The following DEFB108B variants were observed in gnomAD, a reference collection of about 807,000 sequenced individuals.
DEFB108B encodes the protein beta-defensin 108B.
DEFB108B carries 3 observed loss-of-function variants against 2.4 expected under a neutral mutation model. The ratio of observed to expected loss-of-function variants is 1.25; its 90% CI spans 0.57 to 3.24. DEFB108B has a LOEUF of 3.24. Among genes scored for constraint, DEFB108B ranks in the 30% most tolerant of loss-of-function variants. DEFB108B has a pLI of 0.03. For synonymous variants in DEFB108B, 25 were observed against 28.7 expected (o/e 0.87, Z 0.41); for missense variants, 101 against 87.8 (o/e 1.15, Z -0.60).
intron 1 of DEFB108B, among the ~76,000 whole-genome samples, chr11:71,835,514 C>T (rs1442206277): frequency 2.0e-5 from 3 of 152,110 alleles, no homozygotes; most frequent in African/African-American, 7.2e-5. Flanking sequence ...TGATTCCATA[C>T]CTTTGCTACT....
At chr11:71,834,218 A>T (rs1952200095) in intron 1 of DEFB108B, among the ~76,000 whole-genome samples, 1 of 152,136 alleles carries the variant, frequency 6.6e-6, no homozygotes, top group Admixed American at 6.5e-5. Context: ...GTGACTTCCT[A>T]AAGCCTGAAA....
chr11:71,835,500 A>G (rs1952210644), intron 1 of DEFB108B, among the ~76,000 whole-genome samples: 2 of 152,176 alleles, frequency 1.3e-5, no homozygotes. Flanking sequence ...ATGAACACCT[A>G]GTTTGATTCC....
intron 1 of DEFB108B, among the ~76,000 whole-genome samples, chr11:71,835,204 G>A (rs1226750818): frequency 6.6e-6 from 1 of 152,184 alleles, no homozygotes; most frequent in Admixed American, 6.5e-5. Flanking sequence ...CAGGTAGGGT[G>A]TACCTAAAGG....
At chr11:71,836,337 G>A (rs954623588) in intron 1 of DEFB108B, among the ~76,000 whole-genome samples, 2 of 152,076 alleles carry the variant, frequency 1.3e-5, no homozygotes, top group Non-Finnish European at 2.9e-5. Context: ...AAAGTTAAAT[G>A]GAACCTAATG....
chr11:71,833,791 C>T (rs1272876300), intron 1 of DEFB108B, among the ~76,000 whole-genome samples: 3 of 152,204 alleles, frequency 2.0e-5, no homozygotes, highest in African/African-American at 7.2e-5. Flanking sequence ...TTTCCCTCTT[C>T]CTTCTCAGCA....
Position 71,837,479 on chromosome 11 carries a change from G to A in DEFB108B, c.139G>A (p.Gly47Arg). 1 of 1,611,972 alleles carries A rather than the reference G, an allele frequency of 6.2e-7. No homozygotes were observed. The highest frequency in any genetic ancestry group is 2.2e-5 in the East Asian group (1 of 44,886). ...DFCLETEIHV[G>R]RCLNSQPCCL... ...TTGCCTTGAAACAGAAATCCATGTTGGGAGATGTTTAAATAGCCAACCCTG... is the reference window on the plus strand; with the variant it reads ...TTGCCTTGAAACAGAAATCCATGTTAGGAGATGTTTAAATAGCCAACCCTG... Residue 47 changes from glycine to arginine, a missense_variant, in exon 2 of 2, where the codon GGG (glycine) becomes AGG (arginine). Physicochemically the swap from Gly to Arg is moderately radical, Grantham distance 125. Transcript: ENST00000328698.
chr11:71,833,279 G>A (rs754718808), intron 1 of DEFB108B, 22 bp downstream of exon 1: 2 of 1,555,280 alleles, frequency 1.3e-6, no homozygotes, highest in East Asian at 4.5e-5. Context: ...AACTTGGTAA[G>A]AGTAGAGTGC....
intron 1 of DEFB108B, among the ~76,000 whole-genome samples, chr11:71,835,840 C>T (rs921250852): frequency 6.6e-6 from 1 of 152,154 alleles, no homozygotes; most frequent in African/African-American, 2.4e-5. Flanking sequence ...AGACTTTAAT[C>T]AGATTCTGGA....
intron 1 of DEFB108B, chr11:71,836,954 GTGTGTGTGTC>G (rs1359396845): frequency 2.6e-5 from 3 of 117,512 alleles, no homozygotes; most frequent in African/African-American, 5.8e-5. Flanking sequence ...TTGTGTGTGT[GTGTGTGTGTC>G]TGTGTGTGTA....
chr11:71,837,250 T>C, intron 1 of DEFB108B, 149 bp from the exon 2 acceptor site: 1 of 1,038,794 alleles, frequency 9.6e-7, no homozygotes, highest in Non-Finnish European at 1.4e-6. Flanking sequence ...GATTTTTAAG[T>C]GTTTAAGAAA....
At chr11:71,833,663 G>A (rs948867948) in intron 1 of DEFB108B, among the ~76,000 whole-genome samples, 3 of 152,220 alleles carry the variant, frequency 2.0e-5, no homozygotes, top group Non-Finnish European at 4.4e-5. Flanking sequence ...GGGATTGGTG[G>A]AAGAAGTCTC....
chr11:71,834,323 C>T (rs1408373267), intron 1 of DEFB108B, among the ~76,000 whole-genome samples: 1 of 152,120 alleles, frequency 6.6e-6, no homozygotes, highest in Non-Finnish European at 1.5e-5. Context: ...TACTGAATTC[C>T]TAGTACTTGT....
intron 1 of DEFB108B, among the ~76,000 whole-genome samples, chr11:71,836,038 C>T (rs1952214400): frequency 1.3e-5 from 2 of 152,160 alleles, no homozygotes; most frequent in Non-Finnish European, 2.9e-5. Flanking sequence ...CTATACTAAT[C>T]TCTTATGACT....
chr11:71,836,872 T>C (rs1952223179), intron 1 of DEFB108B, among the ~76,000 whole-genome samples: 1 of 152,188 alleles, frequency 6.6e-6, no homozygotes, highest in Non-Finnish European at 1.5e-5. Flanking sequence ...AAGTATATTG[T>C]CTTTTAGGTC....
intron 1 of DEFB108B, 97 bp downstream of exon 1, chr11:71,833,354 G>A (rs536058241): frequency 5.2e-6 from 8 of 1,540,798 alleles, no homozygotes; most frequent in Non-Finnish European, 7.0e-6. Context: ...AGAAAAGGGG[G>A]TCTCATAGGA....
chr11:71,836,904 A>C (rs1015146877), intron 1 of DEFB108B: 1 of 152,152 alleles, frequency 6.6e-6, no homozygotes, highest in Non-Finnish European at 1.5e-5. Context: ...TCTACTTTTG[A>C]AAGATACATC....
chr11:71,837,474 A>T lies in DEFB108B; in HGVS notation c.134A>T (p.His45Leu), dbSNP rs12285495. The T allele has an allele frequency of 0.58, 931,059 of 1,608,134 alleles. 275,782 individuals are homozygous for T. Among genetic ancestry groups the T allele is most frequent in the Non-Finnish European group, 0.61 (712,961 of 1,176,992 alleles). ...GACTTTTGCCTTGAAACAGAAATCC[A>T]TGTTGGGAGATGTTTAAATAGCCAA... ...CRDFCLETEI[H>L]VGRCLNSQPC... is the part of the protein sequence containing the mutation. The change falls in exon 2 of 2, where the codon CAT becomes CTT. Residue 45 changes from histidine to leucine, a missense_variant. His to Leu is a moderately conservative substitution (Grantham distance 99, BLOSUM62 -3). Coordinates refer to ENST00000328698, the MANE Select transcript of DEFB108B (RefSeq NM_001002035.2).
rs58527722 is a variant in DEFB108B, at chr11:71,837,600, T to C, written c.*38T>C. 0.013 allele frequency: 20,033 copies of C among 1,589,212 alleles called. 2,321 individuals are homozygous for C. The African/African-American group carries it at 0.24, about 19-fold the overall frequency. On this transcript the variant is annotated 3_prime_UTR_variant, in exon 2 of 2. Coordinates refer to ENST00000328698, the MANE Select transcript of DEFB108B (RefSeq NM_001002035.2). ...TCTGGAGGTTTTATGTTCTCTTTTT[T>C]CTCTCTCCCTCTCTCTGTCTCCCTG...
At chr11:71,833,281 G>T (rs752209573) in intron 1 of DEFB108B, 24 bp downstream of exon 1, 7 of 1,555,180 alleles carry the variant, frequency 4.5e-6, no homozygotes, top group African/African-American at 1.4e-5. Context: ...CTTGGTAAGA[G>T]TAGAGTGCCT....
Sources: gnomAD v4.1 joint callset for allele counts (sites outside exome capture counted in the v4.1 genomes callset) on GRCh38, gnomAD v4.1.1 for gene constraint, MANE v1.5 for transcripts, NCBI Gene and HGNC (gene_info 2026-07-23, HGNC 2026-07-21) for gene names.